Variants in CTTN observed in about 807,000 individuals in gnomAD.
The protein encoded by CTTN is cortactin.
CTTN carries 28 observed loss-of-function variants against 84.0 expected under a neutral mutation model. That is an observed-to-expected ratio of 0.33 (90% confidence interval 0.25 to 0.46). The LOEUF (loss-of-function observed/expected upper bound fraction) is 0.46. Ranked by LOEUF, CTTN falls within the 20% of genes least tolerant of loss-of-function variation. The pLI, the probability that CTTN is intolerant of heterozygous loss-of-function variation, is 1.00. For synonymous variants in CTTN, 301 were observed against 288.8 expected (o/e 1.04, Z -0.43); for missense variants, 641 against 723.8 (o/e 0.89, Z 1.31).
At chr11:70,428,912 G>A in intron 13 of CTTN, 139 bp from the exon 14 acceptor site, 1 of 1,053,384 alleles carries the variant, frequency 9.5e-7, no homozygotes, top group Non-Finnish European at 1.4e-6. Context: ...TGAGCTGGCA[G>A]CTGCAAGAAC....
At chr11:70,431,645 A>C (rs550093707) in intron 15 of CTTN, among the ~76,000 whole-genome samples, 1 of 152,048 alleles carries the variant, frequency 6.6e-6, no homozygotes, top group African/African-American at 2.4e-5. Context: ...CCCTAATGGC[A>C]GTGCTGCCCT....
chr11:70,402,045 C>G (rs202035734), intron 1 of CTTN, among the ~76,000 whole-genome samples: 1 of 152,022 alleles, frequency 6.6e-6, no homozygotes, highest in Non-Finnish European at 1.5e-5. Flanking sequence ...CCCAGCTACT[C>G]GGGAAGCTGA....
chr11:70,429,260 G>T (rs1188940282), intron 14 of CTTN, 61 bp downstream of exon 14: 2 of 1,554,206 alleles, frequency 1.3e-6, no homozygotes, highest in Non-Finnish European at 8.7e-7. Context: ...AGGGGATTGG[G>T]AGCTCTGGGG....
At chr11:70,422,645 C>T in intron 11 of CTTN, 1 of 1,385,850 alleles carries the variant, frequency 7.2e-7, no homozygotes, top group Non-Finnish European at 9.5e-7. Flanking sequence ...TGTCCGTGCC[C>T]TCTTTCCTCG....
At chr11:70,409,163 TG>T (rs2058074329) in intron 4 of CTTN, among the ~76,000 whole-genome samples, 2 of 152,274 alleles carry the variant, frequency 1.3e-5, no homozygotes, top group African/African-American at 4.8e-5. Flanking sequence ...GTCGTCCAGA[TG>T]TCAAAGGTGG....
At chr11:70,428,927 C>A in intron 13 of CTTN, 124 bp from the exon 14 acceptor site, 1 of 1,213,294 alleles carries the variant, frequency 8.2e-7, no homozygotes, top group Non-Finnish European at 1.2e-6. Context: ...AAGAACCTTT[C>A]CCTCCTTGGG....
chr11:70,414,882 G>A (rs1024237398), intron 6 of CTTN, among the ~76,000 whole-genome samples: 4 of 152,306 alleles, frequency 2.6e-5, no homozygotes, highest in African/African-American at 7.2e-5. Flanking sequence ...TCTTCACTAC[G>A]TGCCTCAGTA....
In CTTN at chr11:70,435,201, C is replaced by T. The variant is rs2058401729; in HGVS notation, c.*39C>T. On this transcript the variant is annotated 3_prime_UTR_variant, in exon 18 of 18. Transcript: ENST00000301843. The stretch of plus-strand genomic sequence containing the variant: ...CCCCCGGAGCTGCGCCCTGGATCCT[C>T]ACACTACAGATCAGGCCTTCTTTGG... The T allele has an allele frequency of 6.4e-7, 1 of 1,564,628 alleles. No homozygotes were observed. Among genetic ancestry groups the T allele is most frequent in the South Asian group, 1.2e-5 (1 of 86,088 alleles).
intron 12 of CTTN, among the ~76,000 whole-genome samples, chr11:70,423,433 T>C (rs1314173906): frequency 6.6e-6 from 1 of 152,242 alleles, no homozygotes; most frequent in Non-Finnish European, 1.5e-5. Flanking sequence ...TTCAGCCTCG[T>C]AGAGACGCGG....
At chr11:70,433,341 G>T in intron 16 of CTTN, 63 bp downstream of exon 16, 1 of 1,485,508 alleles carries the variant, frequency 6.7e-7, no homozygotes, top group African/African-American at 1.4e-5. Context: ...CATCCTGCTC[G>T]ACCTGTGGCG....
chr11:70,434,534 A>G (rs920303163), intron 17 of CTTN, among the ~76,000 whole-genome samples: 1 of 152,276 alleles, frequency 6.6e-6, no homozygotes, highest in Admixed American at 6.5e-5. Context: ...GCATTTGCGT[A>G]CACGCATGTG....
At chr11:70,411,602 A>G (rs902979414) in intron 5 of CTTN, among the ~76,000 whole-genome samples, 3 of 152,212 alleles carry the variant, frequency 2.0e-5, no homozygotes, top group African/African-American at 4.8e-5. Context: ...TGGGTTGGGA[A>G]AATTACATAT....
rs1328541003 is a variant in CTTN, at chr11:70,425,401, G to A, written c.1027G>A (p.Val343Met). 2 of 1,609,598 alleles carry A rather than the reference G, an allele frequency of 1.2e-6. No homozygotes were observed. The highest frequency in any genetic ancestry group is 4.5e-5 in the East Asian group (2 of 44,854). The change falls in exon 13 of 18, where the codon GTG becomes ATG. Residue 343 changes from valine to methionine, a missense_variant and splice_region_variant. Coordinates refer to ENST00000301843, the MANE Select transcript of CTTN (RefSeq NM_005231.4). Reference protein sequence around the residue: ...AYQKTVPVEAVTSKTSNIRAN... With the variant: ...AYQKTVPVEAMTSKTSNIRAN... Reference sequence around the variant, plus strand: ...CCAGAAGACAGTACCTGTCGAAGCTGGTGAGTCCCGGCTGATACCAGGAGC... The same window carrying A: ...CCAGAAGACAGTACCTGTCGAAGCTAGTGAGTCCCGGCTGATACCAGGAGC...
At chr11:70,410,638 G>C (rs1478937880) in intron 5 of CTTN, among the ~76,000 whole-genome samples, 2 of 152,200 alleles carry the variant, frequency 1.3e-5, no homozygotes, top group East Asian at 3.8e-4. Flanking sequence ...GCTCAGGAGG[G>C]CTACCTTTTC....
chr11:70,422,627 C>G, intron 11 of CTTN: 1 of 1,357,750 alleles, frequency 7.4e-7, no homozygotes, highest in South Asian at 1.2e-5. Flanking sequence ...TGGCGCGTTG[C>G]AAAGGCCTGT....
At chr11:70,434,850 C>T (rs1443842945) in intron 17 of CTTN, among the ~76,000 whole-genome samples, 176 bp from the exon 18 acceptor site, 1 of 152,232 alleles carries the variant, frequency 6.6e-6, no homozygotes, top group African/African-American at 2.4e-5. Flanking sequence ...TTCATGTTCA[C>T]AAATCCTGGC....
intron 12 of CTTN, 145 bp downstream of exon 12, chr11:70,423,140 A>G: frequency 1.0e-6 from 1 of 995,240 alleles, no homozygotes; most frequent in Non-Finnish European, 1.5e-6. Context: ...GCGATGACTG[A>G]CTCGGACAGT....
At chr11:70,413,021 G>A (rs961748191) in intron 5 of CTTN, among the ~76,000 whole-genome samples, 132 of 152,306 alleles carry the variant, frequency 8.7e-4, no homozygotes, top group African/African-American at 2.6e-3. Flanking sequence ...CGGAGGACAC[G>A]GATGGGCAGT....
At chr11:70,408,976 C>A (rs2058072590) in intron 4 of CTTN, among the ~76,000 whole-genome samples, 1 of 152,134 alleles carries the variant, frequency 6.6e-6, no homozygotes. Flanking sequence ...AAACAACTCT[C>A]CAGTACAAAA....
Sources: allele counts gnomAD v4.1 joint callset (sites outside exome capture counted in the v4.1 genomes callset), GRCh38; gene constraint gnomAD v4.1.1; transcripts MANE v1.5; gene names NCBI Gene and HGNC (gene_info 2026-07-23, HGNC 2026-07-21).